Variants in LRRTM4 observed in about 807,000 individuals in gnomAD.
LRRTM4 encodes leucine-rich repeat transmembrane neuronal protein 4.
LRRTM4 carries 25 observed loss-of-function variants against 47.6 expected under a neutral mutation model. That is an observed-to-expected ratio of 0.53 (90% confidence interval 0.38 to 0.73). The LOEUF is 0.73. Ranked by LOEUF, LRRTM4 falls within the 30% of genes least tolerant of loss-of-function variation. The pLI is 0.00. For missense variants in LRRTM4, 638 were observed against 713.4 expected (o/e 0.89, Z 1.20); for synonymous variants, 311 against 269.5 (o/e 1.15, Z -1.51).
intron 3 of LRRTM4, among the ~76,000 whole-genome samples, chr2:77,397,731 G>A (rs777260602): frequency 6.6e-6 from 1 of 151,698 alleles, no homozygotes; most frequent in African/African-American, 2.4e-5. Flanking sequence ...TTCTTCCCAC[G>A]TGCTGGACTG....
intron 3 of LRRTM4, among the ~76,000 whole-genome samples, chr2:76,766,585 T>C (rs1474348223): frequency 1.3e-5 from 2 of 152,238 alleles, no homozygotes; most frequent in Non-Finnish European, 2.9e-5. Flanking sequence ...TCAAGTTCTC[T>C]TGCTGTCTGG....
At chr2:77,160,264 C>T (rs183043771) in intron 3 of LRRTM4, among the ~76,000 whole-genome samples, 4 of 152,298 alleles carry the variant, frequency 2.6e-5, no homozygotes, top group Admixed American at 6.5e-5. Context: ...ACAATCATGG[C>T]ATTTCCAATG....
intron 3 of LRRTM4, among the ~76,000 whole-genome samples, chr2:76,822,672 G>A (rs1378311092): frequency 6.6e-6 from 1 of 151,452 alleles, no homozygotes; most frequent in Non-Finnish European, 1.5e-5. Context: ...AAGGACAAAG[G>A]AGAAATTAGT....
intron 3 of LRRTM4, chr2:77,517,912 C>G: frequency 2.0e-6 from 2 of 991,158 alleles, no homozygotes. Flanking sequence ...TTTTGGTAAA[C>G]TCACTTTATT....
At chr2:77,278,833 T>C (rs1327449667) in intron 3 of LRRTM4, among the ~76,000 whole-genome samples, 1 of 151,976 alleles carries the variant, frequency 6.6e-6, no homozygotes, top group Non-Finnish European at 1.5e-5. Flanking sequence ...TGTCCTCCCA[T>C]GACCACCGTC....
intron 3 of LRRTM4, among the ~76,000 whole-genome samples, chr2:77,040,256 C>CATAT (rs147547351): frequency 5.3e-5 from 8 of 150,748 alleles, no homozygotes; most frequent in African/African-American, 1.9e-4. Flanking sequence ...TGTTCTACAA[C>CATAT]ATATATATAT....
intron 3 of LRRTM4, among the ~76,000 whole-genome samples, chr2:76,843,745 T>C (rs1671754864): frequency 6.6e-6 from 1 of 152,166 alleles, no homozygotes; most frequent in African/African-American, 2.4e-5. Context: ...TGGCCAGGGT[T>C]GATGGTAGCT....
chr2:77,420,608 C>T (rs932297377), intron 3 of LRRTM4, among the ~76,000 whole-genome samples: 5 of 150,836 alleles, frequency 3.3e-5, no homozygotes, highest in African/African-American at 1.2e-4. Flanking sequence ...GGAAATATGA[C>T]TTCGTAGTGT....
intron 3 of LRRTM4, among the ~76,000 whole-genome samples, chr2:77,080,056 G>C (rs189785524): frequency 1.3e-5 from 2 of 151,774 alleles, no homozygotes; most frequent in African/African-American, 4.8e-5. Flanking sequence ...TTCTCATTTG[G>C]ATTTTATCTC....
chr2:77,400,927 CAT>C (rs796843317), intron 3 of LRRTM4, among the ~76,000 whole-genome samples: 21 of 151,952 alleles, frequency 1.4e-4, no homozygotes, highest in African/African-American at 3.4e-4. Context: ...TATTTCCTGA[CAT>C]GTGAAAATTA....
Position 77,034,420 on chromosome 2 carries a change from T to C in LRRTM4, c.1552-285504A>G, listed in dbSNP as rs114614156. Among the ~76,000 whole-genome samples the C allele has an allele frequency of 6.7e-3, 1,026 of 152,088 alleles. 11 individuals are homozygous for C. Among genetic ancestry groups the C allele is most frequent in the African/African-American group, 8.9e-3 (371 of 41,562 alleles). On this transcript the variant is annotated intron_variant, in intron 3 of 3. Coordinates refer to ENST00000409884, the MANE Select transcript of LRRTM4 (RefSeq NM_001134745.3). Reference sequence around the variant, plus strand: ...CGTTTTTCTAGTTTTAATATCAATATGCACATTCCTAGACATAAATAGTTT... The same window carrying C: ...CGTTTTTCTAGTTTTAATATCAATACGCACATTCCTAGACATAAATAGTTT...
chr2:76,888,039 G>A (rs933713492), intron 3 of LRRTM4, among the ~76,000 whole-genome samples: 1 of 149,244 alleles, frequency 6.7e-6, no homozygotes, highest in Non-Finnish European at 1.5e-5. Flanking sequence ...CTGTGTGTGT[G>A]TATATATACA....
At chr2:76,934,819 G>A (rs1416361007) in intron 3 of LRRTM4, among the ~76,000 whole-genome samples, 3 of 152,140 alleles carry the variant, frequency 2.0e-5, no homozygotes, top group Non-Finnish European at 4.4e-5. Context: ...AAGAAATCCT[G>A]TAGACATTTA....
At chr2:76,770,797 A>ATT (rs1284312039) in intron 3 of LRRTM4, among the ~76,000 whole-genome samples, 8 of 152,178 alleles carry the variant, frequency 5.3e-5, no homozygotes, top group Non-Finnish European at 7.4e-5. Flanking sequence ...ATAACATAAA[A>ATT]TATGTCTCCA....
chr2:76,902,998 G>T (rs557527294), intron 3 of LRRTM4, among the ~76,000 whole-genome samples: 11 of 152,210 alleles, frequency 7.2e-5, no homozygotes, highest in African/African-American at 2.4e-4. Flanking sequence ...ATTTTAAACT[G>T]TCAATCAAAT....
intron 3 of LRRTM4, among the ~76,000 whole-genome samples, chr2:76,909,560 C>T (rs1216478534): frequency 6.6e-6 from 1 of 151,822 alleles, no homozygotes; most frequent in African/African-American, 2.4e-5. Context: ...AACAGGCAAC[C>T]TACAAAATGG....
intron 3 of LRRTM4, among the ~76,000 whole-genome samples, chr2:76,783,508 G>T (rs1297264248): frequency 1.3e-5 from 2 of 152,046 alleles, no homozygotes; most frequent in Non-Finnish European, 2.9e-5. Flanking sequence ...ATCTCAAACT[G>T]AAACTCTGTA....
chr2:77,512,645 A>C (rs1679064939), intron 3 of LRRTM4, among the ~76,000 whole-genome samples: 1 of 152,148 alleles, frequency 6.6e-6, no homozygotes, highest in South Asian at 2.1e-4. Flanking sequence ...GTCCCCAGTG[A>C]AAATATTACT....
chr2:77,230,530 T>C (rs1034315045), intron 3 of LRRTM4, among the ~76,000 whole-genome samples: 3 of 152,180 alleles, frequency 2.0e-5, no homozygotes, highest in South Asian at 2.1e-4. Flanking sequence ...TAAAATAAGA[T>C]TGTGAAGAAA....
Sources: allele counts gnomAD v4.1 joint callset (sites outside exome capture counted in the v4.1 genomes callset), GRCh38; gene constraint gnomAD v4.1.1; transcripts MANE v1.5; gene names NCBI Gene and HGNC (gene_info 2026-07-23, HGNC 2026-07-21).